SDK1: variants seen among roughly 807,000 people sequenced by gnomAD.
The protein encoded by SDK1 is protein sidekick-1.
A neutral mutation model predicts 245.5 loss-of-function variants in SDK1; 157 were observed. The observed-to-expected ratio is 0.64, with a 90% CI of 0.56 to 0.73. The LOEUF is 0.73. Ranked by LOEUF, SDK1 falls within the 30% of genes least tolerant of loss-of-function variation. The probability of loss-of-function intolerance (pLI) is 0.00; values close to 1 mark genes in which losing one functional copy is unlikely to be tolerated. For missense variants in SDK1, 3,583 were observed against 3,002.3 expected (o/e 1.19, Z -4.52); for synonymous variants, 1,647 against 1,278.5 (o/e 1.29, Z -6.15).
chr7:4,106,039 A>G (rs1042403259), intron 22 of SDK1, among the ~76,000 whole-genome samples: 2 of 152,076 alleles, frequency 1.3e-5, no homozygotes, highest in African/African-American at 4.8e-5. Flanking sequence ...CGGGAAGGGC[A>G]GGGTAGTTTG....
chr7:3,599,705 T>A (rs1223126685), intron 1 of SDK1, among the ~76,000 whole-genome samples: 1 of 152,192 alleles, frequency 6.6e-6, no homozygotes, highest in Non-Finnish European at 1.5e-5. Context: ...CATCATTTGT[T>A]TAAAAGTCTG....
At chr7:3,866,989 C>T (rs551484828) in intron 5 of SDK1, among the ~76,000 whole-genome samples, 2 of 152,290 alleles carry the variant, frequency 1.3e-5, no homozygotes, top group African/African-American at 2.4e-5. Context: ...CATCCTCTGT[C>T]CTTCTGGCAG....
In SDK1 at chr7:4,233,112, C is replaced by T. The variant is rs1785901373; in HGVS notation, c.5828-143C>T. 5.8e-6 allele frequency: 4 copies of T among 685,080 alleles called. No individual in the cohort carries two copies. The Admixed American group carries it at 8.0e-5, about 14-fold the overall frequency. The allele number at this position is 685,080 out of a possible 1,614,324, so 42.4% of individuals were successfully genotyped here. On this transcript the variant is annotated intron_variant, in intron 40 of 44. Coordinates refer to ENST00000404826, the MANE Select transcript of SDK1 (RefSeq NM_152744.4). Reference sequence around the variant, plus strand: ...ACTTGCGAAACTGAGACTCCGTCCCCATTCAGCACTCACTCCGCATCCAGT... The same window carrying T: ...ACTTGCGAAACTGAGACTCCGTCCCTATTCAGCACTCACTCCGCATCCAGT...
chr7:3,469,189 A>G (rs1315506928), intron 1 of SDK1, among the ~76,000 whole-genome samples: 3 of 152,156 alleles, frequency 2.0e-5, no homozygotes, highest in Non-Finnish European at 2.9e-5. Context: ...TTGGGAGGCC[A>G]AGGTGGGAGA....
chr7:3,996,434 G>C (rs1399103892), intron 14 of SDK1, among the ~76,000 whole-genome samples: 7 of 152,154 alleles, frequency 4.6e-5, no homozygotes, highest in Admixed American at 4.6e-4. Context: ...TTTTAATCAT[G>C]TTAAACCTAT....
intron 4 of SDK1, among the ~76,000 whole-genome samples, chr7:3,736,153 G>C (rs1251554757): frequency 6.6e-6 from 1 of 152,128 alleles, no homozygotes; most frequent in East Asian, 1.9e-4. Flanking sequence ...TTTTGACCCT[G>C]TTAGTTTTGT....
intron 5 of SDK1, among the ~76,000 whole-genome samples, chr7:3,938,784 A>G (rs1479865337): frequency 1.3e-5 from 2 of 152,152 alleles, no homozygotes; most frequent in African/African-American, 2.4e-5. Flanking sequence ...CGGTTTATCA[A>G]TTTGTGCTCA....
intron 13 of SDK1, among the ~76,000 whole-genome samples, chr7:3,977,705 T>G (rs1783064856): frequency 1.3e-5 from 2 of 152,282 alleles, no homozygotes; most frequent in South Asian, 4.1e-4. Context: ...CTGGTAGCAC[T>G]GATCACGCTG....
At chr7:4,159,800 ATTTG>A (rs1215705451) in intron 31 of SDK1, among the ~76,000 whole-genome samples, 1 of 152,228 alleles carries the variant, frequency 6.6e-6, no homozygotes, top group African/African-American at 2.4e-5. Flanking sequence ...ACAACTGTGT[ATTTG>A]TTTGGAGAGT....
At chr7:3,522,581 GAT>G (rs1782978317) in intron 1 of SDK1, among the ~76,000 whole-genome samples, 1 of 152,068 alleles carries the variant, frequency 6.6e-6, no homozygotes. Context: ...AAGGAGCCCT[GAT>G]ATGTTTATTA....
rs1779261927 is a variant in SDK1 at position 3,301,657 on chromosome 7, G to A, written c.71G>A (p.Gly24Asp). ...GGCGCGGAGCCCCCTGAGCGCGCGGGCCCCGGGCGGCCGCGGGGATCCCCG... is the reference window on the plus strand; with the variant it reads ...GGCGCGGAGCCCCCTGAGCGCGCGGACCCCGGGCGGCCGCGGGGATCCCCG... ...GGGAEPPERAGPGRPRGSPPG... is the reference protein window; with the variant it reads ...GGGAEPPERADPGRPRGSPPG... The change falls in exon 1 of 45, where the codon GGC (glycine) becomes GAC (aspartate). Residue 24 changes from glycine to aspartate, a missense_variant. Transcript: ENST00000404826. The A allele has an allele frequency of 1.0e-6, 1 of 976,138 alleles. No homozygotes were observed. Among genetic ancestry groups the A allele is most frequent in the Non-Finnish European group, 1.2e-6 (1 of 825,786 alleles). 60.5% of individuals were successfully genotyped at this position (976,138 alleles called of 1,614,324 possible). A position where few individuals can be genotyped will look rare whatever the true frequency, so the allele number is the denominator to read the frequency against.
intron 44 of SDK1, among the ~76,000 whole-genome samples, chr7:4,255,251 C>A (rs79179169): frequency 5.3e-4 from 80 of 152,354 alleles, no homozygotes; most frequent in Non-Finnish European, 9.1e-4. Context: ...CAGTTTTCAA[C>A]AATGTCCTTA....
At chr7:3,512,914 ATTC>A (rs1782628379) in intron 1 of SDK1, among the ~76,000 whole-genome samples, 1 of 152,068 alleles carries the variant, frequency 6.6e-6, no homozygotes, top group Admixed American at 6.6e-5. Context: ...ACATTCACCT[ATTC>A]TTAGAAATTT....
chr7:3,967,582 C>T lies in SDK1; in HGVS notation c.1546+148C>T, dbSNP rs559814079. 13 of 620,368 alleles carry T rather than the reference C, an allele frequency of 2.1e-5. 1 individual carries two copies. In the Admixed American group the frequency reaches 2.8e-4, roughly 13 times the overall value. The allele number at this position is 620,368 out of a possible 1,614,324, so 38.4% of individuals were successfully genotyped here. ...TAACTCTTATTGCAGCAGTCCCCAA[C>T]CTTTTTGGCACCAGGGACCTGTTTC... On this transcript the variant is annotated intron_variant, in intron 10 of 44. Coordinates refer to ENST00000404826, the MANE Select transcript of SDK1 (RefSeq NM_152744.4).
chr7:4,206,026 G>C, intron 36 of SDK1, 32 bp downstream of exon 36: 1 of 1,384,380 alleles, frequency 7.2e-7, no homozygotes, highest in Non-Finnish European at 9.8e-7. Context: ...GCCTCCCCTG[G>C]CTCGCTTGGG....
At chr7:3,342,845 A>G (rs192974690) in intron 1 of SDK1, among the ~76,000 whole-genome samples, 256 of 152,322 alleles carry the variant, frequency 1.7e-3, no homozygotes, top group Non-Finnish European at 2.9e-3. Context: ...GGAAAAAACA[A>G]TCCAGTTGGA....
chr7:3,660,642 ATGTGT>A, intron 4 of SDK1, among the ~76,000 whole-genome samples: 1 of 152,292 alleles, frequency 6.6e-6, no homozygotes, highest in African/African-American at 2.4e-5. Flanking sequence ...CTGGAAAAAA[ATGTGT>A]TGTGGACAGA....
Position 3,510,651 on chromosome 7 carries a change from G to C in SDK1, c.299-108429G>C, listed in dbSNP as rs192023204. Among the ~76,000 whole-genome samples the C allele has an allele frequency of 4.6e-4, 70 of 152,242 alleles. 1 individual carries two copies. In the East Asian group the frequency reaches 0.011, roughly 23 times the overall value. On this transcript the variant is annotated intron_variant, in intron 1 of 44. Coordinates refer to ENST00000404826, the MANE Select transcript of SDK1 (RefSeq NM_152744.4). ...AAGACAAGTAATGGGAGGGAAGAAGGGGGGAGGCTTGGCTAGCAAAGGTGG... is the reference window on the plus strand; with the variant it reads ...AAGACAAGTAATGGGAGGGAAGAAGCGGGGAGGCTTGGCTAGCAAAGGTGG...
Position 4,006,273 on chromosome 7 carries a change from G to C in SDK1, c.2132-4693G>C, listed in dbSNP as rs146815258. Among the ~76,000 whole-genome samples, 13 of 152,300 alleles carry C rather than the reference G, an allele frequency of 8.5e-5. No homozygotes were observed. In the East Asian group the frequency reaches 2.3e-3, roughly 27 times the overall value. On this transcript the variant is annotated intron_variant, in intron 14 of 44. Transcript: ENST00000404826. ...TTCTCGGCCTTACCACTAAGAAAAC[G>C]AAAGTGTAGTGATGCCCTCTGTAGA...
Sources: gnomAD v4.1 joint callset for allele counts (sites outside exome capture counted in the v4.1 genomes callset) on GRCh38, gnomAD v4.1.1 for gene constraint, MANE v1.5 for transcripts, NCBI Gene and HGNC (gene_info 2026-07-23, HGNC 2026-07-21) for gene names.